ARHGAP24: variants seen among roughly 807,000 people sequenced by gnomAD.
ARHGAP24 encodes Rho GTPase activating protein 24.
Under a neutral mutation model 76.4 loss-of-function variants are expected in ARHGAP24, and 50 were observed. That is an observed-to-expected ratio of 0.65 (90% CI 0.52 to 0.83). The LOEUF (loss-of-function observed/expected upper bound fraction) is 0.83. Among genes scored for constraint, ARHGAP24 ranks in the 40% least tolerant of loss-of-function variants. The pLI is 0.00. For synonymous variants in ARHGAP24, 345 were observed against 323.3 expected (o/e 1.07, Z -0.72); for missense variants, 930 against 914.2 (o/e 1.02, Z -0.22).
chr4:85,975,697 G>A (rs907416199), intron 7 of ARHGAP24: 2 of 152,246 alleles, frequency 1.3e-5, no homozygotes. Flanking sequence ...GGCACTACAA[G>A]TCACTGCAGG....
intron 2 of ARHGAP24, among the ~76,000 whole-genome samples, chr4:85,590,192 GCCTTCCTTCCTTCCTTCCTTCCTT>G (rs563217345): frequency 4.0e-4 from 45 of 111,312 alleles, no homozygotes; most frequent in African/African-American, 1.2e-3. Context: ...CTGCCTGCCT[GCCTTCCTTCCTTCCTTCCTTCCTT>G]CCTTCCTTCC....
intron 3 of ARHGAP24, among the ~76,000 whole-genome samples, chr4:85,860,380 C>G (rs1407092000): frequency 1.3e-5 from 2 of 152,166 alleles, no homozygotes. Flanking sequence ...CTCCAAAGAC[C>G]AAATGCTAAA....
At chr4:85,593,936 G>C (rs1275610691) in intron 2 of ARHGAP24, among the ~76,000 whole-genome samples, 1 of 151,808 alleles carries the variant, frequency 6.6e-6, no homozygotes, top group Admixed American at 6.6e-5. Context: ...GGCTATTCCG[G>C]GTCTTTTGTG....
chr4:85,667,988 G>A (rs1326287248), intron 2 of ARHGAP24, among the ~76,000 whole-genome samples: 1 of 152,178 alleles, frequency 6.6e-6, no homozygotes, highest in Non-Finnish European at 1.5e-5. Flanking sequence ...TTTTGCTTAA[G>A]TGGTTGAGTA....
intron 2 of ARHGAP24, among the ~76,000 whole-genome samples, chr4:85,635,247 A>T (rs1228556088): frequency 6.6e-6 from 1 of 151,476 alleles, no homozygotes; most frequent in Non-Finnish European, 1.5e-5. Flanking sequence ...GTGCCAAACC[A>T]TTGATGTGTA....
At chr4:85,564,446 A>G (rs1206778177) in intron 1 of ARHGAP24, among the ~76,000 whole-genome samples, 2 of 88,426 alleles carry the variant, frequency 2.3e-5, no homozygotes, top group South Asian at 9.1e-4. Context: ...AATGTAAATG[A>G]CGAGTTAATG....
intron 8 of ARHGAP24, among the ~76,000 whole-genome samples, chr4:85,980,681 C>T (rs1739606627): frequency 6.6e-6 from 1 of 152,204 alleles, no homozygotes; most frequent in Non-Finnish European, 1.5e-5. Context: ...TTAATGTTCA[C>T]TACTGGTCCT....
At chr4:85,684,775 G>A (rs1001301809) in intron 2 of ARHGAP24, among the ~76,000 whole-genome samples, 3 of 152,140 alleles carry the variant, frequency 2.0e-5, no homozygotes, top group African/African-American at 7.2e-5. Flanking sequence ...AGTTGTTAGT[G>A]TCTAATAAAG....
chr4:85,575,355 A>G (rs1727329142), intron 2 of ARHGAP24, among the ~76,000 whole-genome samples: 1 of 152,204 alleles, frequency 6.6e-6, no homozygotes, highest in Non-Finnish European at 1.5e-5. Flanking sequence ...GGCCACTACT[A>G]TAAACATTTT....
intron 3 of ARHGAP24, among the ~76,000 whole-genome samples, chr4:85,905,189 T>A (rs11097082): frequency 1.3e-5 from 2 of 151,934 alleles, no homozygotes; most frequent in African/African-American, 4.8e-5. Flanking sequence ...GTATTGGAAA[T>A]GTTATTTTTT....
chr4:85,694,239 G>T (rs1196018791), intron 2 of ARHGAP24, among the ~76,000 whole-genome samples: 1 of 151,916 alleles, frequency 6.6e-6, no homozygotes, highest in Non-Finnish European at 1.5e-5. Flanking sequence ...CTTCTCTTCA[G>T]CTCTTCTTTA....
intron 3 of ARHGAP24, among the ~76,000 whole-genome samples, chr4:85,912,855 T>A: frequency 6.7e-6 from 1 of 148,692 alleles, no homozygotes; most frequent in African/African-American, 2.6e-5. Context: ...TCAATGCTAT[T>A]TTTTTTTCTT....
At chr4:85,515,131 G>T (rs1013440382) in intron 1 of ARHGAP24, among the ~76,000 whole-genome samples, 5 of 152,120 alleles carry the variant, frequency 3.3e-5, no homozygotes, top group Non-Finnish European at 7.4e-5. Flanking sequence ...GGAGGCTGGG[G>T]CTATAGCTCC....
chr4:85,759,201 C>T (rs1423761316), intron 3 of ARHGAP24, among the ~76,000 whole-genome samples: 1 of 152,120 alleles, frequency 6.6e-6, no homozygotes, highest in Non-Finnish European at 1.5e-5. Context: ...ATTCAAATCA[C>T]AAACAGTGAA....
chr4:85,512,253 A>G (rs1578194682), intron 1 of ARHGAP24, among the ~76,000 whole-genome samples: 1 of 152,262 alleles, frequency 6.6e-6, no homozygotes, highest in East Asian at 1.9e-4. Flanking sequence ...AGGTAATTCT[A>G]GTTCTCACCT....
chr4:85,957,732 G>C (rs113359578), intron 5 of ARHGAP24, among the ~76,000 whole-genome samples: 1 of 152,120 alleles, frequency 6.6e-6, no homozygotes, highest in Non-Finnish European at 1.5e-5. Flanking sequence ...AGAGTTCCAT[G>C]AAACTGCTTT....
chr4:85,564,447 C>G (rs192478353), intron 1 of ARHGAP24, among the ~76,000 whole-genome samples: 9 of 84,180 alleles, frequency 1.1e-4, no homozygotes, highest in Middle Eastern at 5.6e-3. Flanking sequence ...ATGTAAATGA[C>G]GAGTTAATGG....
intron 2 of ARHGAP24, among the ~76,000 whole-genome samples, chr4:85,613,352 A>G (rs1192856445): frequency 2.0e-5 from 3 of 152,188 alleles, no homozygotes; most frequent in African/African-American, 7.2e-5. Flanking sequence ...ATTCCATTGC[A>G]TGAACCCTGT....
chr4:85,984,241 A>G (rs1291673952), intron 8 of ARHGAP24, among the ~76,000 whole-genome samples: 2 of 152,218 alleles, frequency 1.3e-5, no homozygotes, highest in Non-Finnish European at 2.9e-5. Flanking sequence ...TAGATTGGTA[A>G]GTGGGTGAGT....
Sources: allele counts gnomAD v4.1 joint callset (sites outside exome capture counted in the v4.1 genomes callset), GRCh38; gene constraint gnomAD v4.1.1; transcripts MANE v1.5; gene names NCBI Gene and HGNC (gene_info 2026-07-23, HGNC 2026-07-21).